Variants in SGMS2 observed in about 807,000 individuals in gnomAD.
The protein encoded by SGMS2 is phosphatidylcholine:ceramide cholinephosphotransferase 2.
In SGMS2, 21 loss-of-function variants were observed where a neutral mutation model predicts 43.8. The ratio of observed to expected loss-of-function variants is 0.48; its 90% CI spans 0.34 to 0.69. The LOEUF is 0.69. Ranked by LOEUF, SGMS2 falls within the 30% of genes least tolerant of loss-of-function variation. SGMS2 has a pLI of 0.01. For synonymous variants in SGMS2, 167 were observed against 160.6 expected (o/e 1.04, Z -0.30); for missense variants, 384 against 443.2 (o/e 0.87, Z 1.20).
chr4:107,856,597 T>C (rs1184415484), intron 1 of SGMS2, among the ~76,000 whole-genome samples: 1 of 151,958 alleles, frequency 6.6e-6, no homozygotes, highest in Non-Finnish European at 1.5e-5. Flanking sequence ...GTAGGTGGAG[T>C]CGAGAGAGGG....
chr4:107,839,021 G>C (rs1325134397), intron 1 of SGMS2, among the ~76,000 whole-genome samples: 1 of 152,040 alleles, frequency 6.6e-6, no homozygotes, highest in African/African-American at 2.4e-5. Flanking sequence ...GATTCTGAAG[G>C]CTTGCTTAGC....
intron 1 of SGMS2, among the ~76,000 whole-genome samples, chr4:107,852,499 A>T (rs1727208776): frequency 6.6e-6 from 1 of 152,220 alleles, no homozygotes; most frequent in African/African-American, 2.4e-5. Context: ...GAAAAATTTA[A>T]GTCATCTATA....
intron 1 of SGMS2, among the ~76,000 whole-genome samples, chr4:107,858,018 C>G (rs576861516): frequency 3.3e-5 from 5 of 151,850 alleles, no homozygotes; most frequent in South Asian, 2.1e-4. Flanking sequence ...CCACCCCCCC[C>G]ATCCCCAACC....
chr4:107,847,762 G>T (rs371801989), intron 1 of SGMS2, among the ~76,000 whole-genome samples: 4 of 152,108 alleles, frequency 2.6e-5, no homozygotes, highest in East Asian at 1.9e-4. Flanking sequence ...CTAATTCTGA[G>T]AAATACTTTT....
chr4:107,830,629 A>G (rs1725839580), intron 1 of SGMS2, among the ~76,000 whole-genome samples: 1 of 152,108 alleles, frequency 6.6e-6, no homozygotes, highest in South Asian at 2.1e-4. Flanking sequence ...CTAGTAATTA[A>G]TGATGTTGAG....
At chr4:107,853,355 G>T (rs959686400) in intron 1 of SGMS2, among the ~76,000 whole-genome samples, 1 of 152,100 alleles carries the variant, frequency 6.6e-6, no homozygotes, top group African/African-American at 2.4e-5. Context: ...AAATTTAACA[G>T]TCTATAATTA....
intron 1 of SGMS2, among the ~76,000 whole-genome samples, chr4:107,833,085 T>C (rs1458303554): frequency 6.6e-6 from 1 of 152,170 alleles, no homozygotes; most frequent in Non-Finnish European, 1.5e-5. Context: ...AGCATTTCCC[T>C]GTAAAAGCTT....
upstream of SGMS2, chr4:107,824,806 T>G (rs1725472828): frequency 6.6e-6 from 1 of 152,062 alleles, no homozygotes; most frequent in Non-Finnish European, 1.5e-5. Flanking sequence ...GAGTCACTGT[T>G]TGGAAATGGA....
chr4:107,841,121 T>C (rs754910537), intron 1 of SGMS2, among the ~76,000 whole-genome samples: 1 of 151,580 alleles, frequency 6.6e-6, no homozygotes, highest in African/African-American at 2.4e-5. Context: ...CTTTAAAGAG[T>C]GATTAGTAAA....
intron 1 of SGMS2, among the ~76,000 whole-genome samples, chr4:107,829,941 A>T (rs1560625707): frequency 1.3e-5 from 2 of 151,988 alleles, no homozygotes; most frequent in Admixed American, 6.6e-5. Flanking sequence ...TGGGTAAATT[A>T]TGTGTCACAG....
rs557572554 is a variant in SGMS2, at chr4:107,860,674, A to T, written c.-245+2121A>T. On this transcript the variant is annotated intron_variant, in intron 2 of 6. Coordinates refer to ENST00000690982, the MANE Select transcript of SGMS2 (RefSeq NM_001375905.1). The stretch of plus-strand genomic sequence containing the variant: ...TGAATAGCTGGGATTACAGACACCC[A>T]CCATTGCGCCTGGCTAATTTTTGTA... Among the ~76,000 whole-genome samples the T allele has an allele frequency of 3.9e-5, 6 of 152,018 alleles. No homozygotes were observed. In the South Asian group the frequency reaches 1.2e-3, roughly 32 times the overall value.
intron 2 of SGMS2, among the ~76,000 whole-genome samples, chr4:107,872,202 T>G (rs1223587103): frequency 6.6e-6 from 1 of 152,130 alleles, no homozygotes; most frequent in Non-Finnish European, 1.5e-5. Context: ...TTCTTTTGAC[T>G]TGATGTTGCA....
At chr4:107,879,417 A>T (rs1319007374) in intron 2 of SGMS2, among the ~76,000 whole-genome samples, 1 of 151,782 alleles carries the variant, frequency 6.6e-6, no homozygotes, top group Non-Finnish European at 1.5e-5. Context: ...AGAGTATGGG[A>T]TGTTCCTTGG....
At chr4:107,865,578 C>G (rs1044136764) in intron 2 of SGMS2, among the ~76,000 whole-genome samples, 2 of 152,144 alleles carry the variant, frequency 1.3e-5, no homozygotes, top group African/African-American at 4.8e-5. Context: ...AAGCAGAATA[C>G]TTTTTTATAT....
At chr4:107,836,950 T>C (rs1726220153) in intron 1 of SGMS2, among the ~76,000 whole-genome samples, 2 of 152,192 alleles carry the variant, frequency 1.3e-5, no homozygotes, top group South Asian at 4.1e-4. Flanking sequence ...AAAACTCACC[T>C]GACCACTGGG....
rs971755560 is a variant in SGMS2 at position 107,886,510 on chromosome 4, A to G, written c.-244-8800A>G. On this transcript the variant is annotated intron_variant, in intron 2 of 6. Transcript: ENST00000690982. ...ATTACAGGTATGAGCCACCACATCAATAGAAGGAATCTCCTCAGATAAGAC... is the reference window on the plus strand; with the variant it reads ...ATTACAGGTATGAGCCACCACATCAGTAGAAGGAATCTCCTCAGATAAGAC... Among the ~76,000 whole-genome samples the G allele has an allele frequency of 7.9e-5, 12 of 151,824 alleles. No homozygotes were observed. The Middle Eastern group carries it at 0.017, about 215-fold the overall frequency.
intron 5 of SGMS2, among the ~76,000 whole-genome samples, chr4:107,905,957 T>C (rs1731523639): frequency 6.6e-6 from 1 of 152,224 alleles, no homozygotes; most frequent in Non-Finnish European, 1.5e-5. Flanking sequence ...ACCATTCTGC[T>C]TTCTCCAATA....
In SGMS2 at chr4:107,912,518, G is replaced by A. The variant is rs1271568761; in HGVS notation, c.*1965G>A. ...ACTGATTTTTAAGTTCCTGTTGCCC[G>A]ATTGTAAAGAAAATCATCTGACACA... On this transcript the variant is annotated 3_prime_UTR_variant, in exon 7 of 7. Transcript: ENST00000690982. The A allele has an allele frequency of 2.0e-5, 3 of 151,986 alleles. No homozygotes were observed. The highest frequency in any genetic ancestry group is 4.8e-5 in the African/African-American group (2 of 41,362). The allele number at this position is 151,986 out of a possible 1,614,324, so 9.4% of individuals were successfully genotyped here.
chr4:107,905,534 C>T (rs537801392), intron 5 of SGMS2, among the ~76,000 whole-genome samples: 1 of 152,308 alleles, frequency 6.6e-6, no homozygotes, highest in South Asian at 2.1e-4. Flanking sequence ...TTGATCCTTA[C>T]AACCACCCTC....
Sources: allele counts gnomAD v4.1 joint callset (sites outside exome capture counted in the v4.1 genomes callset), GRCh38; gene constraint gnomAD v4.1.1; transcripts MANE v1.5; gene names NCBI Gene and HGNC (gene_info 2026-07-23, HGNC 2026-07-21).